Variants in POTEH observed in about 807,000 individuals in gnomAD.
The protein encoded by POTEH is POTE ankyrin domain family member H, also known as ANKRD26-like family C member 3.
In POTEH, 6 loss-of-function variants were observed where a neutral mutation model predicts 41.7. That is an observed-to-expected ratio of 0.14 (90% confidence interval 0.08 to 0.28). The LOEUF is 0.28. Among genes scored for constraint, POTEH ranks in the 10% least tolerant of loss-of-function variants. POTEH has a pLI of 1.00. For missense variants in POTEH, 115 were observed against 533.5 expected (o/e 0.22, Z 7.73); for synonymous variants, 38 against 179.9 (o/e 0.21, Z 6.31).
chr22:15,710,413 C>T (rs1989786542), intron 8 of POTEH, among the ~76,000 whole-genome samples: 1 of 142,950 alleles, frequency 7.0e-6, no homozygotes, highest in Admixed American at 7.0e-5. Flanking sequence ...CCATTCTATT[C>T]CTGAAGCCCC....
intron 1 of POTEH, among the ~76,000 whole-genome samples, chr22:15,692,376 T>C (rs1989341957): frequency 6.8e-6 from 1 of 147,012 alleles, no homozygotes; most frequent in African/African-American, 2.5e-5. Flanking sequence ...CAGTGACCTA[T>C]GTGCATAGGA....
chr22:15,692,009 A>ATATATATATATATATAAAC (rs1421248855), intron 1 of POTEH, among the ~76,000 whole-genome samples: 2 of 128,646 alleles, frequency 1.6e-5, no homozygotes, highest in African/African-American at 2.7e-5. Flanking sequence ...TATATATATA[A>ATATATATATATATATAAAC]ATTTCTTTTT....
intron 1 of POTEH, among the ~76,000 whole-genome samples, chr22:15,691,972 A>T (rs1989325739): frequency 1.5e-5 from 2 of 134,100 alleles, no homozygotes; most frequent in South Asian, 2.4e-4. Flanking sequence ...GTGCCTATTT[A>T]CATATGCAGA....
At chr22:15,692,273 G>C (rs1240080473) in intron 1 of POTEH, among the ~76,000 whole-genome samples, 1 of 141,708 alleles carries the variant, frequency 7.1e-6, no homozygotes, top group Non-Finnish European at 1.6e-5. Context: ...CCAAAGTGCT[G>C]TGGTTACAGG....
rs201322170 is a variant in POTEH at position 15,690,174 on chromosome 22, G to C, written c.97G>C (p.Ala33Pro). 67,808 of 1,243,128 alleles carry C rather than the reference G, an allele frequency of 0.055. 15,404 individuals are homozygous for C. The highest frequency in any genetic ancestry group is 0.2 in the East Asian group (6,415 of 32,808). The allele number at this position is 1,243,128 out of a possible 1,614,324, so 77.0% of individuals were successfully genotyped here. A position where few individuals can be genotyped will look rare whatever the true frequency, so the allele number is the denominator to read the frequency against. Reference sequence around the variant, plus strand: ...GGGCAAGTGGTGCCGCCACTGCTTCGCCTGGTGCAGGGGGAGCGGCAAGAG... The same window carrying C: ...GGGCAAGTGGTGCCGCCACTGCTTCCCCTGGTGCAGGGGGAGCGGCAAGAG... ...KMGKWCRHCF[A>P]WCRGSGKSNV... The change falls in exon 1 of 11, where the codon GCC (alanine) becomes CCC (proline). Residue 33 changes from alanine (A) to proline (P), a missense_variant. Physicochemically the swap from Ala to Pro is conservative, Grantham distance 27. Transcript: ENST00000343518.
chr22:15,692,213 G>T (rs887085233), intron 1 of POTEH, among the ~76,000 whole-genome samples: 2 of 139,716 alleles, frequency 1.4e-5, no homozygotes, highest in Admixed American at 7.5e-5. Flanking sequence ...CACCATCTTG[G>T]CCAGGCTGGT....
intron 1 of POTEH, among the ~76,000 whole-genome samples, chr22:15,692,007 T>TACACACA (rs1255266928): frequency 1.5e-5 from 2 of 133,798 alleles, no homozygotes; most frequent in East Asian, 2.2e-4. Context: ...TATATATATA[T>TACACACA]AAATTTCTTT....
At chr22:15,711,497 G>A (rs1989823104) in intron 9 of POTEH, among the ~76,000 whole-genome samples, 1 of 149,908 alleles carries the variant, frequency 6.7e-6, no homozygotes, top group East Asian at 2.1e-4. Context: ...AAGAATATGT[G>A]GCATTTGATT....
rs1170722258 is a variant in POTEH at position 15,690,719 on chromosome 22, C to A, written c.632+10C>A. On this transcript the variant is annotated intron_variant, in intron 1 of 10. Transcript: ENST00000343518. Reference sequence around the variant, plus strand: ...AGGACAAGCAAAAGAGGTAACCAGGCCTGGGCTGGGAGGAGGTGGGATGTG... The same window carrying A: ...AGGACAAGCAAAAGAGGTAACCAGGACTGGGCTGGGAGGAGGTGGGATGTG... 7.1e-7 allele frequency: 1 copy of A among 1,403,570 alleles called. No homozygotes were observed. The highest frequency in any genetic ancestry group is 9.9e-7 in the Non-Finnish European group (1 of 1,012,824). The allele number at this position is 1,403,570 out of a possible 1,614,324, so 86.9% of individuals were successfully genotyped here. A position where few individuals can be genotyped will look rare whatever the true frequency, so the allele number is the denominator to read the frequency against.
intron 6 of POTEH, among the ~76,000 whole-genome samples, chr22:15,705,353 C>CTTTTTTTTTTTTTTTTTTTTTTTGT (rs377062560): frequency 7.0e-5 from 1 of 14,298 alleles, no homozygotes; most frequent in Non-Finnish European, 1.2e-4. Context: ...ATATGTTGGC[C>CTTTTTTTTTTTTTTTTTTTTTTTGT]TTTTTTTTTT....
chr22:15,691,389 G>A (rs1209071118), intron 1 of POTEH, among the ~76,000 whole-genome samples: 2 of 127,030 alleles, frequency 1.6e-5, no homozygotes, highest in African/African-American at 5.7e-5. Flanking sequence ...AGCTGGACGC[G>A]GTGGCAGGCA....
At chr22:15,700,294 G>T in intron 5 of POTEH, 79 bp downstream of exon 5, 2 of 823,348 alleles carry the variant, frequency 2.4e-6, no homozygotes. Context: ...TTACATATCA[G>T]GTGAGATGTC....
At chr22:15,714,046 G>T (rs1287823560) in intron 9 of POTEH, among the ~76,000 whole-genome samples, 2 of 152,066 alleles carry the variant, frequency 1.3e-5, no homozygotes, top group Admixed American at 1.3e-4. Flanking sequence ...TCCTACTTTG[G>T]TTAATGGCAA....
At position 15,690,647 on chromosome 22, in the gene POTEH, C is replaced by A; in HGVS notation, c.570C>A (p.Pro190=). ...GAGCTGCCTGGTGGGGTAAAGTCCCCAGAAAGGATCTCATCGTCATGCTCA... is the reference window on the plus strand; with the variant it reads ...GAGCTGCCTGGTGGGGTAAAGTCCCAAGAAAGGATCTCATCGTCATGCTCA... The part of the protein sequence containing the change: ...LHRAAWWGKV[P]RKDLIVMLKD... Residue 190 remains proline, a synonymous_variant, in exon 1 of 11, where the codon CCC becomes CCA. Coordinates refer to ENST00000343518, the MANE Select transcript of POTEH (RefSeq NM_001136213.1). The A allele has an allele frequency of 1.4e-6, 2 of 1,421,958 alleles. No homozygotes were observed. The highest frequency in any genetic ancestry group is 9.8e-7 in the Non-Finnish European group (1 of 1,025,068). The allele number at this position is 1,421,958 out of a possible 1,614,324, so 88.1% of individuals were successfully genotyped here. A position where few individuals can be genotyped will look rare whatever the true frequency, so the allele number is the denominator to read the frequency against.
In POTEH at chr22:15,690,226, A is replaced by G. The variant is rs776758594; in HGVS notation, c.149A>G (p.Asp50Gly). The G allele has an allele frequency of 7.2e-7, 1 of 1,397,446 alleles. No individual in the cohort carries two copies. The highest frequency in any genetic ancestry group is 9.9e-7 in the Non-Finnish European group (1 of 1,011,406). 86.6% of individuals were successfully genotyped at this position (1,397,446 alleles called of 1,614,324 possible). ...KSNVGTSGDH[D>G]DSAMKTLRSK... ...AACGTGGGCACTTCTGGAGACCACG[A>G]CGATTCTGCTATGAAGACACTCAGG... Residue 50 changes from aspartate to glycine, a missense_variant, in exon 1 of 11, where the codon GAC (aspartate) becomes GGC (glycine). Transcript: ENST00000343518.
intron 1 of POTEH, among the ~76,000 whole-genome samples, chr22:15,692,405 A>G (rs1989343151): frequency 6.8e-6 from 1 of 147,558 alleles, no homozygotes; most frequent in Non-Finnish European, 1.5e-5. Context: ...CATTCCTGGT[A>G]GAAGAAGGAA....
intron 1 of POTEH, among the ~76,000 whole-genome samples, chr22:15,691,852 C>T (rs1989320642): frequency 6.7e-6 from 1 of 148,914 alleles, no homozygotes; most frequent in Admixed American, 6.9e-5. Context: ...ATGGATTGTT[C>T]ATAATTCATT....
At chr22:15,691,477 G>T (rs1428012006) in intron 1 of POTEH, among the ~76,000 whole-genome samples, 1 of 112,158 alleles carries the variant, frequency 8.9e-6, no homozygotes, top group Non-Finnish European at 1.9e-5. Context: ...AGTGAGCCGA[G>T]ATCACGCCAC....
In POTEH at chr22:15,690,040, G is replaced by A; in HGVS notation, c.-38G>A. 1 of 1,397,006 alleles carries A rather than the reference G, an allele frequency of 7.2e-7. No homozygotes were observed. The highest frequency in any genetic ancestry group is 1.5e-5 in the African/African-American group (1 of 66,594). The allele number at this position is 1,397,006 out of a possible 1,614,324, so 86.5% of individuals were successfully genotyped here. ...TGAAACTGGTTGGTAGACGCGATCT[G>A]CTGGCTACTACCGGCCTTCCCTGGC... On this transcript the variant is annotated 5_prime_UTR_variant, in exon 1 of 11. Transcript: ENST00000343518.
Sources: allele counts gnomAD v4.1 joint callset (sites outside exome capture counted in the v4.1 genomes callset), GRCh38; gene constraint gnomAD v4.1.1; transcripts MANE v1.5; gene names NCBI Gene and HGNC (gene_info 2026-07-23, HGNC 2026-07-21).